Variants in AGMO observed in about 807,000 individuals in gnomAD.
AGMO encodes the protein glyceryl-ether monooxygenase.
Under a neutral mutation model 60.2 loss-of-function variants are expected in AGMO, and 75 were observed. The observed-to-expected ratio is 1.25, with a 90% CI of 1.03 to 1.51. AGMO has a LOEUF of 1.51. AGMO is among the 40% of genes most tolerant of loss of function. AGMO has a pLI of 0.00. For missense variants in AGMO, 763 were observed against 525.5 expected (o/e 1.45, Z -4.42); for synonymous variants, 261 against 177.1 (o/e 1.47, Z -3.76).
At chr7:15,425,697 C>A (rs1186834153) in intron 4 of AGMO, among the ~76,000 whole-genome samples, 2 of 152,168 alleles carry the variant, frequency 1.3e-5, no homozygotes, top group Non-Finnish European at 2.9e-5. Flanking sequence ...GCCTCAGCCT[C>A]CCAAAGTACT....
intron 12 of AGMO, among the ~76,000 whole-genome samples, chr7:15,240,063 T>C (rs1312259554): frequency 6.6e-6 from 1 of 152,122 alleles, no homozygotes; most frequent in African/African-American, 2.4e-5. Flanking sequence ...CTGCTGCCAA[T>C]AGAAACGTCA....
At chr7:15,376,755 A>C (rs1277318615) in intron 10 of AGMO, among the ~76,000 whole-genome samples, 1 of 152,044 alleles carries the variant, frequency 6.6e-6, no homozygotes, top group Non-Finnish European at 1.5e-5. Flanking sequence ...TCATGATATC[A>C]CCCCAGGAAG....
chr7:15,208,003 G>C (rs1781485386), intron 12 of AGMO, among the ~76,000 whole-genome samples: 1 of 152,112 alleles, frequency 6.6e-6, no homozygotes, highest in South Asian at 2.1e-4. Context: ...CTAACACACA[G>C]AGAAAACTTA....
At chr7:15,327,975 T>C (rs1002189475) in intron 12 of AGMO, among the ~76,000 whole-genome samples, 1 of 151,906 alleles carries the variant, frequency 6.6e-6, no homozygotes, top group African/African-American at 2.4e-5. Flanking sequence ...AGGGTCTCAC[T>C]ATGTTGCCTG....
chr7:15,131,412 T>C, the AGMO span, among the ~76,000 whole-genome samples: 1 of 152,094 alleles, frequency 6.6e-6, no homozygotes, highest in Non-Finnish European at 1.5e-5. Flanking sequence ...TTTTTCTCCC[T>C]CTCCTTATCT....
At chr7:15,506,945 A>G (rs748132662) in intron 3 of AGMO, among the ~76,000 whole-genome samples, 4 of 152,050 alleles carry the variant, frequency 2.6e-5, no homozygotes, top group African/African-American at 7.2e-5. Context: ...TGAGCAAGAA[A>G]AAAGAATTGT....
At chr7:15,485,142 C>CAAAAAAAA (rs34731268) in intron 3 of AGMO, among the ~76,000 whole-genome samples, 18 of 97,758 alleles carry the variant, frequency 1.8e-4, no homozygotes, top group Non-Finnish European at 2.4e-4. Context: ...ACTAAAAATA[C>CAAAAAAAA]AAAAAAAAAA....
At chr7:15,387,313 G>T in intron 9 of AGMO, 93 bp downstream of exon 9, 3 of 1,399,040 alleles carry the variant, frequency 2.1e-6, no homozygotes, top group Non-Finnish European at 1.9e-6. Context: ...TCTTTTTACA[G>T]ATTTGCATGA....
chr7:15,346,063 G>T (rs186079582), intron 12 of AGMO, among the ~76,000 whole-genome samples: 9 of 152,238 alleles, frequency 5.9e-5, no homozygotes, highest in Admixed American at 5.9e-4. Context: ...ATATTCTGCT[G>T]TTAGTATCAA....
At chr7:15,485,281 C>A (rs1782883821) in intron 3 of AGMO, among the ~76,000 whole-genome samples, 1 of 151,158 alleles carries the variant, frequency 6.6e-6, no homozygotes, top group Admixed American at 6.6e-5. Flanking sequence ...CATGCCATTG[C>A]ACTCCAGGCT....
chr7:15,224,478 TACAAGAAGAAGGCTATC>T (rs989624192), intron 12 of AGMO, among the ~76,000 whole-genome samples: 11 of 151,928 alleles, frequency 7.2e-5, no homozygotes, highest in African/African-American at 2.4e-4. Context: ...AATGTGAGGA[TACAAGAAGAAGGCTATC>T]ACCAGAAACT....
intron 12 of AGMO, among the ~76,000 whole-genome samples, chr7:15,292,731 A>G (rs1278937752): frequency 6.7e-6 from 1 of 148,324 alleles, no homozygotes; most frequent in African/African-American, 2.5e-5. Flanking sequence ...CTGGAAATAC[A>G]GTCTCCTCCT....
chr7:15,456,075 T>C (rs1021119114), intron 3 of AGMO, among the ~76,000 whole-genome samples: 1 of 152,094 alleles, frequency 6.6e-6, no homozygotes, highest in Non-Finnish European at 1.5e-5. Context: ...CTAGTTTTCT[T>C]ATCTATGTCT....
At chr7:15,347,091 AAAT>A (rs945146921) in intron 12 of AGMO, among the ~76,000 whole-genome samples, 17 of 152,052 alleles carry the variant, frequency 1.1e-4, no homozygotes, top group Admixed American at 9.8e-4. Context: ...ATCAAACTTT[AAAT>A]GACTCTGTGA....
intron 12 of AGMO, among the ~76,000 whole-genome samples, chr7:15,238,834 A>G (rs1040620334): frequency 1.3e-5 from 2 of 152,132 alleles, no homozygotes; most frequent in Non-Finnish European, 1.5e-5. Context: ...GTATAGTCAG[A>G]TTTGAAATAT....
chr7:15,228,070 C>G (rs1197677258), intron 12 of AGMO, among the ~76,000 whole-genome samples: 1 of 152,084 alleles, frequency 6.6e-6, no homozygotes, highest in Non-Finnish European at 1.5e-5. Flanking sequence ...TGCATATAAA[C>G]TCTGCTTATT....
chr7:15,321,936 T>C (rs1338535728), intron 12 of AGMO, among the ~76,000 whole-genome samples: 4 of 152,054 alleles, frequency 2.6e-5, no homozygotes, highest in Non-Finnish European at 2.9e-5. Flanking sequence ...AATACAATTT[T>C]TTTCTTACTG....
chr7:15,393,965 C>T (rs1045290236), intron 6 of AGMO, 148 bp downstream of exon 6: 25 of 378,874 alleles, frequency 6.6e-5, no homozygotes, highest in African/African-American at 5.3e-4. Flanking sequence ...AGGCTTGTAC[C>T]AAAGAAGATA....
chr7:15,359,303 A>AG (rs897877025), intron 12 of AGMO, among the ~76,000 whole-genome samples: 1 of 151,696 alleles, frequency 6.6e-6, no homozygotes, highest in African/African-American at 2.4e-5. Context: ...AAAAAAAAAA[A>AG]AAAAGAAATT....
Sources: gnomAD v4.1 joint callset for allele counts (sites outside exome capture counted in the v4.1 genomes callset) on GRCh38, gnomAD v4.1.1 for gene constraint, MANE v1.5 for transcripts, NCBI Gene and HGNC (gene_info 2026-07-23, HGNC 2026-07-21) for gene names.